The following BICD1 variants were observed in gnomAD, a reference collection of about 807,000 sequenced individuals.
BICD1 encodes BICD cargo adaptor 1.
BICD1 carries 35 observed loss-of-function variants against 92.5 expected under a neutral mutation model. That is an observed-to-expected ratio of 0.38 (90% CI 0.29 to 0.50). The LOEUF is 0.50. Ranked by LOEUF, BICD1 falls within the 20% of genes least tolerant of loss-of-function variation. BICD1 has a pLI of 0.93. For missense variants in BICD1, 950 were observed against 1,189.8 expected (o/e 0.80, Z 2.97); for synonymous variants, 429 against 465.1 (o/e 0.92, Z 1.00).
chr12:32,261,429 C>T (rs12300593), intron 2 of BICD1, among the ~76,000 whole-genome samples: 2,059 of 152,012 alleles, frequency 0.014, 57 homozygotes, highest in African/African-American at 0.046. Flanking sequence ...CACTGGTGTT[C>T]GTATGCATAT....
intron 4 of BICD1, among the ~76,000 whole-genome samples, chr12:32,325,430 T>G (rs1467443727): frequency 6.6e-6 from 1 of 152,186 alleles, no homozygotes; most frequent in Non-Finnish European, 1.5e-5. Flanking sequence ...TATGCATTGC[T>G]CACAATCAAT....
At chr12:32,307,739 T>C (rs1948268499) in intron 4 of BICD1, among the ~76,000 whole-genome samples, 1 of 152,230 alleles carries the variant, frequency 6.6e-6, no homozygotes, top group Non-Finnish European at 1.5e-5. Flanking sequence ...TTTCTATGTC[T>C]TTTTGCTCAG....
intron 4 of BICD1, among the ~76,000 whole-genome samples, chr12:32,309,352 T>A (rs1459482446): frequency 4.6e-5 from 7 of 152,206 alleles, no homozygotes; most frequent in African/African-American, 1.7e-4. Flanking sequence ...TATAGCTATC[T>A]GGAATGCTTG....
chr12:32,295,633 G>A (rs565408295), intron 3 of BICD1, among the ~76,000 whole-genome samples: 3 of 151,290 alleles, frequency 2.0e-5, no homozygotes, highest in South Asian at 4.2e-4. Context: ...AATCCATGTA[G>A]TGGCACAATT....
intron 1 of BICD1, among the ~76,000 whole-genome samples, chr12:32,204,185 CA>C (rs11305739): frequency 1 from 150,941 of 151,648 alleles, 75,124 homozygotes; most frequent in Middle Eastern, 1. Context: ...CCCATCTCTA[CA>C]AAAAAATGCA....
intron 1 of BICD1, among the ~76,000 whole-genome samples, chr12:32,163,629 A>T (rs1255818466): frequency 2.6e-5 from 4 of 152,186 alleles, no homozygotes. Flanking sequence ...ATGGCTTGAT[A>T]GTCTTTTATT....
At chr12:32,362,220 C>T (rs1375634619) in intron 8 of BICD1, among the ~76,000 whole-genome samples, 1 of 152,184 alleles carries the variant, frequency 6.6e-6, no homozygotes, top group Non-Finnish European at 1.5e-5. Flanking sequence ...ATTGGCCGGG[C>T]ATGGTGGTGC....
chr12:32,348,374 A>G (rs6488047), intron 8 of BICD1, among the ~76,000 whole-genome samples: 6,571 of 152,232 alleles, frequency 0.043, 455 homozygotes, highest in African/African-American at 0.15. Context: ...AGATTTTGTT[A>G]AAATTTTATT....
chr12:32,264,222 A>C (rs1396825163), intron 2 of BICD1, among the ~76,000 whole-genome samples: 1 of 152,218 alleles, frequency 6.6e-6, no homozygotes, highest in East Asian at 1.9e-4. Flanking sequence ...GTACGGATTC[A>C]ATAAATCTTA....
At chr12:32,254,144 C>T (rs994711040) in intron 2 of BICD1, among the ~76,000 whole-genome samples, 1 of 149,980 alleles carries the variant, frequency 6.7e-6, no homozygotes, top group South Asian at 2.1e-4. Flanking sequence ...CCGTATCCCA[C>T]CTGCCATAAT....
chr12:32,324,167 C>T (rs1434826530), intron 4 of BICD1, among the ~76,000 whole-genome samples: 2 of 152,004 alleles, frequency 1.3e-5, no homozygotes, highest in East Asian at 3.9e-4. Flanking sequence ...CTACTAAAAA[C>T]CCCATGGTGA....
intron 1 of BICD1, among the ~76,000 whole-genome samples, chr12:32,184,881 A>C (rs554581692): frequency 6.6e-6 from 1 of 152,352 alleles, no homozygotes; most frequent in African/African-American, 2.4e-5. Flanking sequence ...ATATGCCTAC[A>C]GAACCAATTT....
intron 1 of BICD1, among the ~76,000 whole-genome samples, chr12:32,214,345 C>T (rs1335075086): frequency 6.6e-6 from 1 of 152,122 alleles, no homozygotes; most frequent in Non-Finnish European, 1.5e-5. Context: ...TGCTTCTAGG[C>T]CCTCTCAGCT....
At chr12:32,201,982 G>A (rs1944917695) in intron 1 of BICD1, among the ~76,000 whole-genome samples, 1 of 152,198 alleles carries the variant, frequency 6.6e-6, no homozygotes, top group Non-Finnish European at 1.5e-5. Flanking sequence ...GGTGGCTTTA[G>A]TAATAAGAGA....
chr12:32,307,294 A>G (rs1260503797), intron 4 of BICD1, among the ~76,000 whole-genome samples: 2 of 152,234 alleles, frequency 1.3e-5, no homozygotes, highest in Non-Finnish European at 2.9e-5. Context: ...TTCTTATTGC[A>G]ACATGAGTTA....
chr12:32,228,950 G>C (rs1464012368), intron 2 of BICD1, among the ~76,000 whole-genome samples: 1 of 152,020 alleles, frequency 6.6e-6, no homozygotes, highest in Non-Finnish European at 1.5e-5. Context: ...GGGAATGGAG[G>C]TATACATTTT....
At chr12:32,206,432 C>T (rs929059017) in intron 1 of BICD1, among the ~76,000 whole-genome samples, 3 of 152,134 alleles carry the variant, frequency 2.0e-5, no homozygotes, top group African/African-American at 7.2e-5. Flanking sequence ...AAGGTGAAAC[C>T]TCATATCCAC....
chr12:32,120,635 A>C (rs151192198), intron 1 of BICD1, among the ~76,000 whole-genome samples: 2 of 152,280 alleles, frequency 1.3e-5, no homozygotes, highest in East Asian at 3.9e-4. Flanking sequence ...AGATATCTTG[A>C]AGTTGACCTT....
chr12:32,315,902 G>C (rs1948486449), intron 4 of BICD1, among the ~76,000 whole-genome samples: 1 of 152,100 alleles, frequency 6.6e-6, no homozygotes, highest in Non-Finnish European at 1.5e-5. Context: ...TTGGGAGGCT[G>C]AGATGCGTGG....
Sources: gnomAD v4.1 joint callset for allele counts (sites outside exome capture counted in the v4.1 genomes callset) on GRCh38, gnomAD v4.1.1 for gene constraint, MANE v1.5 for transcripts, NCBI Gene and HGNC (gene_info 2026-07-23, HGNC 2026-07-21) for gene names.